Variants in TSPEAR observed in about 807,000 individuals in gnomAD.
TSPEAR encodes thrombospondin type laminin G domain and EAR repeats, also known as thrombospondin-type laminin G domain and EAR repeat-containing protein.
A neutral mutation model predicts 71.6 loss-of-function variants in TSPEAR; 69 were observed. That is an observed-to-expected ratio of 0.96 (90% CI 0.79 to 1.18). TSPEAR has a LOEUF of 1.18. Ranked by LOEUF, TSPEAR falls within the 50% of genes most tolerant of loss-of-function variation. TSPEAR has a pLI of 0.00. For missense variants in TSPEAR, 971 were observed against 894.9 expected (o/e 1.09, Z -1.09); for synonymous variants, 402 against 387.2 (o/e 1.04, Z -0.45).
Position 44,709,673 on chromosome 21 carries a change from G to T in TSPEAR, c.82+1760C>A, listed in dbSNP as rs936476652. Among the ~76,000 whole-genome samples the T allele has an allele frequency of 3.3e-5, 5 of 152,374 alleles. No homozygotes were observed. The South Asian group carries it at 1.0e-3, about 32-fold the overall frequency. On this transcript the variant is annotated intron_variant, in intron 1 of 11. Transcript: ENST00000323084. ...AGCAGGATGAGAAAGCTGAGACGGC[G>T]CAGCCACGGCCCGGTGCCTTCACGC...
chr21:44,705,567 T>G (rs1480212835), intron 1 of TSPEAR, among the ~76,000 whole-genome samples: 1 of 152,224 alleles, frequency 6.6e-6, no homozygotes, highest in African/African-American at 2.4e-5. Context: ...GTCTCTGAAC[T>G]GGCCCCCCCG....
At chr21:44,577,064 G>A (rs1978505804) in intron 1 of TSPEAR, among the ~76,000 whole-genome samples, 1 of 152,060 alleles carries the variant, frequency 6.6e-6, no homozygotes, top group South Asian at 2.1e-4. Context: ...AAATCACAAT[G>A]GAAATTATGA....
chr21:44,676,397 T>C, intron 1 of TSPEAR: 1 of 1,128,650 alleles, frequency 8.9e-7, no homozygotes, highest in Non-Finnish European at 1.3e-6. Flanking sequence ...GCAGATGAGG[T>C]CTTCATGCTG....
chr21:44,508,897 C>T (rs2052273348), intron 10 of TSPEAR: 4 of 1,476,694 alleles, frequency 2.7e-6, no homozygotes, highest in Non-Finnish European at 2.7e-6. Context: ...GGCATGAAGC[C>T]CCCTCCTGCC....
At chr21:44,515,878 C>CG (rs2052550760) in intron 9 of TSPEAR, 1 of 152,290 alleles carries the variant, frequency 6.6e-6, no homozygotes, top group Non-Finnish European at 1.5e-5. Flanking sequence ...GGATGGGCCC[C>CG]ATGAGTGAAG....
Position 44,550,748 on chromosome 21 carries a change from G to C in TSPEAR, c.304-16825C>G, listed in dbSNP as rs199928658. 8.1e-6 allele frequency: 13 copies of C among 1,614,030 alleles called. No individual in the cohort carries two copies. In the African/African-American group the frequency reaches 1.7e-4, roughly 22 times the overall value. ...TGCAGGAGGCTGGGCGGGAGCACAC[G>C]GGGCGGCAGAGGAGGGACACAGAGG... On this transcript the variant is annotated intron_variant, in intron 2 of 11. Coordinates refer to ENST00000323084, the MANE Select transcript of TSPEAR (RefSeq NM_144991.3).
chr21:44,670,807 G>C (rs1348406679), intron 1 of TSPEAR, among the ~76,000 whole-genome samples: 2 of 152,248 alleles, frequency 1.3e-5, no homozygotes, highest in Non-Finnish European at 2.9e-5. Context: ...CTGCCCTGGG[G>C]CCCAACAGAT....
intron 1 of TSPEAR, among the ~76,000 whole-genome samples, chr21:44,603,608 C>T (rs1296987821): frequency 6.6e-6 from 1 of 152,180 alleles, no homozygotes; most frequent in Non-Finnish European, 1.5e-5. Context: ...ACATCAAGTT[C>T]CCTTCCAAGG....
At chr21:44,526,771 A>G (rs2052864185) in intron 7 of TSPEAR, among the ~76,000 whole-genome samples, 1 of 152,176 alleles carries the variant, frequency 6.6e-6, no homozygotes, top group South Asian at 2.1e-4. Flanking sequence ...TCCCATTGGG[A>G]TGTCAACCAT....
chr21:44,585,672 A>G (rs1979289911), intron 1 of TSPEAR, among the ~76,000 whole-genome samples: 1 of 151,932 alleles, frequency 6.6e-6, no homozygotes, highest in Non-Finnish European at 1.5e-5. Context: ...TGAATTCCAT[A>G]TGTTTGGAGT....
rs1401094341 is a variant in TSPEAR at position 44,593,638 on chromosome 21, A to G, written c.83-25633T>C. 6.6e-6 allele frequency among the ~76,000 whole-genome samples: 1 copy of G among 152,094 alleles called. No individual in the cohort carries two copies. Among genetic ancestry groups the G allele is most frequent in the Non-Finnish European group, 1.5e-5 (1 of 68,020 alleles). ...GGTTTCGACACAACCACTACCCAGC[A>G]CTAAAGTTAAAATAGAGACCGTAAG... On this transcript the variant is annotated intron_variant, in intron 1 of 11. Transcript: ENST00000323084. This position sits in a 1 kb window ranked among gnomAD's most constrained non-coding sequence, Gnocchi z 5.9.
intron 1 of TSPEAR, among the ~76,000 whole-genome samples, chr21:44,615,578 T>TG (rs1982035751): frequency 6.7e-6 from 1 of 148,658 alleles, no homozygotes; most frequent in Non-Finnish European, 1.5e-5. Context: ...ATTTATTCTG[T>TG]TTTTTTGGAA....
At position 44,612,169 on chromosome 21, in the gene TSPEAR, C is replaced by A. The variant is rs374609546; in HGVS notation, c.83-44164G>T. The A allele has an allele frequency of 1.2e-6, 2 of 1,614,078 alleles. No individual in the cohort carries two copies. Among genetic ancestry groups the A allele is most frequent in the Non-Finnish European group, 8.5e-7 (1 of 1,180,002 alleles). Reference sequence around the variant, plus strand: ...CCACCATGTCTGTCTGCTCCAGTGACGTGGGCCATGTCAGCCGAGTCTCCT... The same window carrying A: ...CCACCATGTCTGTCTGCTCCAGTGAAGTGGGCCATGTCAGCCGAGTCTCCT... On this transcript the variant is annotated intron_variant, in intron 1 of 11. Transcript: ENST00000323084. This position sits in a 1 kb window ranked among gnomAD's most constrained non-coding sequence, Gnocchi z 4.1.
At chr21:44,626,490 G>A (rs587716920) in intron 1 of TSPEAR, among the ~76,000 whole-genome samples, 26 of 152,186 alleles carry the variant, frequency 1.7e-4, no homozygotes, top group East Asian at 1.2e-3. Flanking sequence ...TTCAGAACCC[G>A]AAACCACAGC....
rs1351183460 is a variant in TSPEAR at position 44,677,918 on chromosome 21, T to C, written c.82+33515A>G. On this transcript the variant is annotated intron_variant, in intron 1 of 11. Coordinates refer to ENST00000323084, the MANE Select transcript of TSPEAR (RefSeq NM_144991.3). ...CATATAGGATAGTGCCACCAATACC[T>C]CCACCAAAAAACAAAAGGCCAGCTC... 1.1e-5 allele frequency: 16 copies of C among 1,396,828 alleles called. No homozygotes were observed. The African/African-American group carries it at 2.3e-4, about 20-fold the overall frequency. The allele number at this position is 1,396,828 out of a possible 1,614,324, so 86.5% of individuals were successfully genotyped here. A position where few individuals can be genotyped will look rare whatever the true frequency, so the allele number is the denominator to read the frequency against.
At chr21:44,564,451 A>G (rs1555921504) in intron 2 of TSPEAR, among the ~76,000 whole-genome samples, 1 of 152,194 alleles carries the variant, frequency 6.6e-6, no homozygotes, top group Non-Finnish European at 1.5e-5. Flanking sequence ...GATAAACTAT[A>G]CAAACAACAA....
intron 9 of TSPEAR, 156 bp from the exon 10 acceptor site, chr21:44,509,542 C>CA (rs1400286506): frequency 3.4e-6 from 2 of 587,016 alleles, no homozygotes; most frequent in African/African-American, 3.9e-5. Flanking sequence ...TGAGCGGGCG[C>CA]AGAGGTGTGG....
chr21:44,653,536 T>C (rs1378319847), intron 1 of TSPEAR, among the ~76,000 whole-genome samples: 1 of 152,214 alleles, frequency 6.6e-6, no homozygotes, highest in Non-Finnish European at 1.5e-5. Flanking sequence ...GCTTTTTTTA[T>C]CAACACCACA....
chr21:44,533,946 A>G (rs781903500), intron 2 of TSPEAR, 23 bp from the exon 3 acceptor site: 454 of 1,329,124 alleles, frequency 3.4e-4, no homozygotes, highest in Non-Finnish European at 4.5e-4. Flanking sequence ...GGCCAGGCTC[A>G]GGACGGGGCT....
Sources: allele counts gnomAD v4.1 joint callset (sites outside exome capture counted in the v4.1 genomes callset), GRCh38; gene constraint gnomAD v4.1.1; non-coding constraint Gnocchi (gnomAD v3.1); transcripts MANE v1.5; gene names NCBI Gene and HGNC (gene_info 2026-07-23, HGNC 2026-07-21).